Variants in CCNYL1 observed in about 807,000 individuals in gnomAD.
CCNYL1 encodes cyclin Y like 1, also known as cyclin-Y-like protein 1.
In CCNYL1, 16 loss-of-function variants were observed where a neutral mutation model predicts 44.2. The ratio of observed to expected loss-of-function variants is 0.36; its 90% CI spans 0.25 to 0.55. The LOEUF is 0.55. CCNYL1 is among the 20% of genes least tolerant of loss of function. The probability of loss-of-function intolerance (pLI) is 0.85; values close to 1 mark genes in which losing one functional copy is unlikely to be tolerated. For synonymous variants in CCNYL1, 159 were observed against 163.2 expected (o/e 0.97, Z 0.20); for missense variants, 348 against 451.8 (o/e 0.77, Z 2.08).
intron 8 of CCNYL1, among the ~76,000 whole-genome samples, chr2:207,750,167 G>A (rs2091881444): frequency 6.6e-6 from 1 of 152,156 alleles, no homozygotes; most frequent in Admixed American, 6.6e-5. Flanking sequence ...GAAACACTGA[G>A]TTTTTAAGTC....
At chr2:207,737,535 T>A (rs1372691733) in intron 5 of CCNYL1, 89 bp downstream of exon 5, 4 of 1,055,900 alleles carry the variant, frequency 3.8e-6, no homozygotes, top group South Asian at 1.4e-5. Flanking sequence ...ATAGACATCA[T>A]AAGCTATAGA....
Position 207,711,935 on chromosome 2 carries a change from C to T in CCNYL1, c.39C>T (p.Ala13=). The change falls in exon 1 of 10, where the codon GCC becomes GCT. Residue 13 remains alanine (A), a synonymous_variant. Transcript: ENST00000295414. ...NTLTCCVSPN[A]SPKLGRRAGS... ...TGACCTGTTGCGTGTCCCCCAATGC[C>T]AGCCCCAAGCTGGGCCGGCGCGCGG... 1.4e-6 allele frequency: 2 copies of T among 1,398,170 alleles called. No individual in the cohort carries two copies. Among genetic ancestry groups the T allele is most frequent in the Non-Finnish European group, 1.9e-6 (2 of 1,073,326 alleles). 86.6% of individuals were successfully genotyped at this position (1,398,170 alleles called of 1,614,324 possible). A position where few individuals can be genotyped will look rare whatever the true frequency, so the allele number is the denominator to read the frequency against.
chr2:207,712,330 C>G (rs1237417834), intron 1 of CCNYL1, among the ~76,000 whole-genome samples: 3 of 152,260 alleles, frequency 2.0e-5, no homozygotes, highest in African/African-American at 7.2e-5. Context: ...ACGCCCAGTT[C>G]TTGCTCCCGC....
intron 4 of CCNYL1, among the ~76,000 whole-genome samples, chr2:207,736,445 G>A (rs183277607): frequency 4.6e-5 from 7 of 152,262 alleles, no homozygotes; most frequent in East Asian, 1.9e-4. Flanking sequence ...CTGAAAAGTC[G>A]TGTCTGTTCA....
chr2:207,747,160 T>C lies in CCNYL1; in HGVS notation c.753T>C (p.Ala251=), dbSNP rs1364452907. The change falls in exon 8 of 10, where the codon GCT becomes GCC. Residue 251 remains alanine, a synonymous_variant. Coordinates refer to ENST00000295414, the MANE Select transcript of CCNYL1 (RefSeq NM_001330218.2). Reference sequence around the variant, plus strand: ...CCTCCAAGGTTTGGGACGATCAGGCTGTATGGAATGTGGACTACTGCCAGA... The same window carrying C: ...CCTCCAAGGTTTGGGACGATCAGGCCGTATGGAATGTGGACTACTGCCAGA... ...LLASKVWDDQ[A]VWNVDYCQIL... The C allele has an allele frequency of 1.2e-6, 2 of 1,614,118 alleles. No homozygotes were observed. The highest frequency in any genetic ancestry group is 3.3e-5 in the Admixed American group (2 of 60,028).
intron 1 of CCNYL1, among the ~76,000 whole-genome samples, chr2:207,715,638 C>T (rs1295022112): frequency 6.6e-6 from 1 of 151,280 alleles, no homozygotes. Flanking sequence ...CCTTGGCCTC[C>T]CAAAGTGCTG....
chr2:207,715,687 T>C (rs930579018), intron 1 of CCNYL1, among the ~76,000 whole-genome samples: 1 of 145,550 alleles, frequency 6.9e-6, no homozygotes, highest in East Asian at 2.1e-4. Context: ...GCCTTTTTTT[T>C]TTTTTTGAGA....
At position 207,726,873 on chromosome 2, in the gene CCNYL1, C is replaced by T; in HGVS notation, c.327C>T (p.Asn109=). 3.9e-6 allele frequency: 6 copies of T among 1,552,936 alleles called. No individual in the cohort carries two copies. The highest frequency in any genetic ancestry group is 4.3e-6 in the Non-Finnish European group (5 of 1,156,998). The part of the protein sequence containing the change: ...VREKRKSNHL[N]HVSPGQLTKK... ...AAAAGAGGAAGAGCAACCATTTGAA[C>T]CATGTAAGTAAACAGTTGGAAAGCT... Residue 109 remains asparagine, a synonymous_variant, in exon 3 of 10, where the codon AAC becomes AAT. Coordinates refer to ENST00000295414, the MANE Select transcript of CCNYL1 (RefSeq NM_001330218.2).
intron 7 of CCNYL1, among the ~76,000 whole-genome samples, chr2:207,745,810 G>T (rs142207754): frequency 1.3e-5 from 2 of 152,108 alleles, no homozygotes; most frequent in East Asian, 3.9e-4. Flanking sequence ...TTAGCCAGGC[G>T]TGCTGGCGGG....
intron 1 of CCNYL1, among the ~76,000 whole-genome samples, chr2:207,720,393 C>CT (rs1257858381): frequency 0.023 from 3,163 of 140,014 alleles, 100 homozygotes; most frequent in African/African-American, 0.074. Context: ...GTAACCCAGA[C>CT]TTTTTTTTTT....
In CCNYL1 at chr2:207,740,672, T is replaced by G; in HGVS notation, c.485T>G (p.Leu162Arg). 6.2e-7 allele frequency: 1 copy of G among 1,600,390 alleles called. No homozygotes were observed. The highest frequency in any genetic ancestry group is 8.6e-7 in the Non-Finnish European group (1 of 1,168,454). Residue 162 changes from leucine to arginine, a missense_variant, in exon 6 of 10, where the codon CTG becomes CGG. By Grantham distance (102) the Leu-to-Arg change is moderately radical. Transcript: ENST00000295414. The stretch of plus-strand genomic sequence containing the variant: ...TTTTATAGAGATGCAAATAGATCCC[T>G]GGATATTTTTGATGAGAGATCACAT... ...HIKNRDANRS[L>R]DIFDERSHPL...
At chr2:207,740,862 T>A (rs2091803691) in intron 6 of CCNYL1, among the ~76,000 whole-genome samples, 156 bp downstream of exon 6, 1 of 152,180 alleles carries the variant, frequency 6.6e-6, no homozygotes, top group Non-Finnish European at 1.5e-5. Context: ...GTGTAAACAT[T>A]TAAAAATTCA....
chr2:207,742,151 CAAAA>C (rs201207374), intron 6 of CCNYL1, 68 bp from the exon 7 acceptor site: 1,849 of 1,098,012 alleles, frequency 1.7e-3, no homozygotes, highest in East Asian at 5.1e-3. Flanking sequence ...AACTCAGTCT[CAAAA>C]AAAAAAAAAA....
intron 9 of CCNYL1, among the ~76,000 whole-genome samples, chr2:207,751,753 C>T (rs1290395123): frequency 6.6e-6 from 1 of 151,952 alleles, no homozygotes; most frequent in East Asian, 1.9e-4. Context: ...ACTCGGGAGG[C>T]TGAGGCAGGA....
intron 1 of CCNYL1, among the ~76,000 whole-genome samples, chr2:207,713,817 A>T (rs2091572081): frequency 6.6e-6 from 1 of 152,222 alleles, no homozygotes. Context: ...CAAATATATT[A>T]TGTGAGTTAA....
intron 7 of CCNYL1, among the ~76,000 whole-genome samples, chr2:207,746,652 A>G (rs1397509447): frequency 6.6e-6 from 1 of 152,214 alleles, no homozygotes; most frequent in African/African-American, 2.4e-5. Flanking sequence ...TCTGGTCAAA[A>G]ACAAAAGAAA....
chr2:207,741,083 G>A (rs1443283886), intron 6 of CCNYL1, among the ~76,000 whole-genome samples: 2 of 151,040 alleles, frequency 1.3e-5, no homozygotes, highest in Non-Finnish European at 3.0e-5. Context: ...GTGAAACCCC[G>A]TCTCTACTAA....
At chr2:207,720,874 A>G (rs2105819955) in intron 1 of CCNYL1, among the ~76,000 whole-genome samples, 1 of 152,318 alleles carries the variant, frequency 6.6e-6, no homozygotes, top group East Asian at 1.9e-4. Context: ...CTGAACACTG[A>G]CATAGAAGGA....
At chr2:207,741,274 G>A (rs1000936248) in intron 6 of CCNYL1, among the ~76,000 whole-genome samples, 1 of 151,884 alleles carries the variant, frequency 6.6e-6, no homozygotes, top group African/African-American at 2.4e-5. Flanking sequence ...ATTTTTCAAA[G>A]TGTATTTAAG....
Sources: allele counts gnomAD v4.1 joint callset (sites outside exome capture counted in the v4.1 genomes callset), GRCh38; gene constraint gnomAD v4.1.1; transcripts MANE v1.5; gene names NCBI Gene and HGNC (gene_info 2026-07-23, HGNC 2026-07-21).